Variants in CALM2 observed in about 807,000 individuals in gnomAD.
CALM2 encodes the protein calmodulin 2.
Under a neutral mutation model 19.8 loss-of-function variants are expected in CALM2, and 2 were observed. The ratio of observed to expected loss-of-function variants is 0.10; its 90% CI spans 0.04 to 0.32. The LOEUF (loss-of-function observed/expected upper bound fraction) is 0.32. CALM2 is among the 10% of genes least tolerant of loss of function. The pLI, the probability that CALM2 is intolerant of heterozygous loss-of-function variation, is 1.00. For missense variants in CALM2, 38 were observed against 178.7 expected (o/e 0.21, Z 4.49); for synonymous variants, 51 against 52.1 (o/e 0.98, Z 0.09).
Position 47,162,649 on chromosome 2 carries a change from A to C in CALM2, c.48T>G (p.Ala16=). 1 of 1,599,964 alleles carries C rather than the reference A, an allele frequency of 6.3e-7. No individual in the cohort carries two copies. Among genetic ancestry groups the C allele is most frequent in the Non-Finnish European group, 8.5e-7 (1 of 1,173,752 alleles). Residue 16 remains alanine, a synonymous_variant, in exon 3 of 6, where the codon GCT becomes GCG. Coordinates refer to ENST00000272298, the MANE Select transcript of CALM2 (RefSeq NM_001743.6). ...CACCATCTTTGTCAAATAGTGAAAA[A>C]GCTTCTTTGAATTCTGTTTGAAAGA... ...TEEQIAEFKE[A]FSLFDKDGDG...
At chr2:47,168,755 G>A (rs1328753302) in intron 2 of CALM2, among the ~76,000 whole-genome samples, 1 of 147,434 alleles carries the variant, frequency 6.8e-6, no homozygotes, top group Non-Finnish European at 1.5e-5. Context: ...CACTGAAGAG[G>A]GATCCTCTTA....
chr2:47,173,635 T>C (rs1228575331), intron 1 of CALM2: 1 of 152,252 alleles, frequency 6.6e-6, no homozygotes, highest in Non-Finnish European at 1.5e-5. Flanking sequence ...TGTTGGAGTT[T>C]ATCTAGTGAA....
At chr2:47,168,798 GGC>G in intron 2 of CALM2, among the ~76,000 whole-genome samples, 1 of 133,140 alleles carries the variant, frequency 7.5e-6, no homozygotes, top group African/African-American at 2.8e-5. Context: ...TTTTTTTTGA[GGC>G]AAAGTCTCGC....
At chr2:47,165,883 T>A (rs1666453861) in intron 2 of CALM2, among the ~76,000 whole-genome samples, 1 of 152,234 alleles carries the variant, frequency 6.6e-6, no homozygotes, top group Non-Finnish European at 1.5e-5. Flanking sequence ...TCAACAGGTC[T>A]CGAATTCTAT....
chr2:47,166,020 G>C (rs1409947847), intron 2 of CALM2, among the ~76,000 whole-genome samples: 1 of 151,938 alleles, frequency 6.6e-6, no homozygotes, highest in Non-Finnish European at 1.5e-5. Flanking sequence ...AAATATTACT[G>C]GTTTATAGAG....
chr2:47,166,866 T>C (rs1012723986), intron 2 of CALM2, among the ~76,000 whole-genome samples: 2 of 152,188 alleles, frequency 1.3e-5, no homozygotes, highest in African/African-American at 4.8e-5. Flanking sequence ...ACATAATTGA[T>C]AGATATAAGG....
rs556314561 is a variant in CALM2 at position 47,160,103 on chromosome 2, A to G, written c.*673T>C. 1 of 152,660 alleles carries G rather than the reference A, an allele frequency of 6.6e-6. No homozygotes were observed. The highest frequency in any genetic ancestry group is 2.1e-4 in the South Asian group (1 of 4,824). The allele number at this position is 152,660 out of a possible 1,614,324, so 9.5% of individuals were successfully genotyped here. On this transcript the variant is annotated 3_prime_UTR_variant, in exon 6 of 6. Coordinates refer to ENST00000272298, the MANE Select transcript of CALM2 (RefSeq NM_001743.6). ...ACTATACCAAGCAGAAACCAATGCC[A>G]TATTTTATTTTCAAAATTATTAGAC...
rs548280442 is a variant in CALM2 at position 47,162,512 on chromosome 2, G to T, written c.178+7C>A. The T allele has an allele frequency of 2.5e-6, 4 of 1,614,076 alleles. No individual in the cohort carries two copies. Among genetic ancestry groups the T allele is most frequent in the Non-Finnish European group, 2.5e-6 (3 of 1,179,994 alleles). On this transcript the variant is annotated splice_region_variant and intron_variant, in intron 3 of 5. Transcript: ENST00000272298. ...CCCCTCCCAGCCCCACAAAATTGAA[G>T]ACTTACCATCAGCATCTACTTCATT... is the stretch of plus-strand genomic sequence containing the variant.
At chr2:47,174,148 T>G (rs2103852645) in intron 1 of CALM2, 1 of 152,328 alleles carries the variant, frequency 6.6e-6, no homozygotes, top group South Asian at 2.1e-4. Flanking sequence ...CTTGAAGCAA[T>G]CCCGTTTTCA....
intron 1 of CALM2, among the ~76,000 whole-genome samples, chr2:47,174,923 T>C (rs1400990663): frequency 6.6e-6 from 1 of 151,874 alleles, no homozygotes; most frequent in Non-Finnish European, 1.5e-5. Context: ...TAAGGTGAAA[T>C]CGTCTCCCCA....
At position 47,170,744 on chromosome 2, in the gene CALM2, C is replaced by T; in HGVS notation, c.24G>A (p.Glu8=). 1 of 1,613,278 alleles carries T rather than the reference C, an allele frequency of 6.2e-7. No individual in the cohort carries two copies. The highest frequency in any genetic ancestry group is 8.5e-7 in the Non-Finnish European group (1 of 1,179,218). ...CTGAGTATTTCTCACCTGCAATCTG[C>T]TCTTCAGTCAGTTGGTCAGCCTACA... The part of the protein sequence containing the change: MADQLTE[E]QIAEFKEAFS... Residue 8 remains glutamate (E), a synonymous_variant, in exon 2 of 6, where the codon GAG becomes GAA. Coordinates refer to ENST00000272298, the MANE Select transcript of CALM2 (RefSeq NM_001743.6).
chr2:47,165,981 T>C (rs1045553616), intron 2 of CALM2, among the ~76,000 whole-genome samples: 2 of 152,228 alleles, frequency 1.3e-5, no homozygotes, highest in South Asian at 2.1e-4. Flanking sequence ...GCTATTACAA[T>C]TGCCTCCTAA....
chr2:47,162,491 T>G, intron 3 of CALM2, 28 bp downstream of exon 3: 1 of 1,613,788 alleles, frequency 6.2e-7, no homozygotes, highest in Non-Finnish European at 8.5e-7. Flanking sequence ...CTTCAACCCC[T>G]CCCAGCCCCA....
intron 1 of CALM2, chr2:47,171,358 A>G (rs963122286): frequency 6.6e-6 from 1 of 152,484 alleles, no homozygotes; most frequent in Non-Finnish European, 1.5e-5. Flanking sequence ...TTTTAATAGC[A>G]CTTGGTTTTC....
At chr2:47,167,130 A>G (rs976270939) in intron 2 of CALM2, among the ~76,000 whole-genome samples, 66 of 152,216 alleles carry the variant, frequency 4.3e-4, no homozygotes, top group Non-Finnish European at 5.9e-5. Flanking sequence ...TAATCCCTTA[A>G]AGATCATGTA....
intron 5 of CALM2, 46 bp from the exon 6 acceptor site, chr2:47,160,850 C>CA (rs55773607): frequency 0.022 from 8,129 of 367,598 alleles, 103 homozygotes; most frequent in African/African-American, 0.036. Context: ...AGCAAAAGAC[C>CA]AAAAAAAAAA....
chr2:47,160,160 A>T lies in CALM2; in HGVS notation c.*616T>A, dbSNP rs1351101994. ...AGTTAAATGACTCAGATGCAGAGCAACCATTGGGTAAATTGTAATTTTTTT... is the reference window on the plus strand; with the variant it reads ...AGTTAAATGACTCAGATGCAGAGCATCCATTGGGTAAATTGTAATTTTTTT... On this transcript the variant is annotated 3_prime_UTR_variant, in exon 6 of 6. Transcript: ENST00000272298. 1 of 152,632 alleles carries T rather than the reference A, an allele frequency of 6.6e-6. No individual in the cohort carries two copies. The highest frequency in any genetic ancestry group is 1.9e-4 in the East Asian group (1 of 5,198). 9.5% of individuals were successfully genotyped at this position (152,632 alleles called of 1,614,324 possible). A position where few individuals can be genotyped will look rare whatever the true frequency, so the allele number is the denominator to read the frequency against.
At chr2:47,168,531 G>C (rs905979032) in intron 2 of CALM2, among the ~76,000 whole-genome samples, 1 of 151,922 alleles carries the variant, frequency 6.6e-6, no homozygotes, top group Non-Finnish European at 1.5e-5. Context: ...CTGAGGTTGC[G>C]AGTTTGAGAC....
At chr2:47,169,426 A>G (rs535932942) in intron 2 of CALM2, among the ~76,000 whole-genome samples, 6 of 152,274 alleles carry the variant, frequency 3.9e-5, no homozygotes, top group South Asian at 2.1e-4. Context: ...TCCCAAAGTG[A>G]TAAGATTACC....
Sources: allele counts gnomAD v4.1 joint callset (sites outside exome capture counted in the v4.1 genomes callset), GRCh38; gene constraint gnomAD v4.1.1; transcripts MANE v1.5; gene names NCBI Gene and HGNC (gene_info 2026-07-23, HGNC 2026-07-21).